Variants in SPG11 observed in about 807,000 individuals in gnomAD.
SPG11 encodes the protein SPG11 vesicle trafficking associated, spatacsin, also known as spatacsin.
SPG11 carries 222 observed loss-of-function variants against 274.0 expected under a neutral mutation model. That is an observed-to-expected ratio of 0.81 (90% CI 0.73 to 0.91). The LOEUF (loss-of-function observed/expected upper bound fraction) is 0.91. SPG11 is among the 40% of genes least tolerant of loss of function. The pLI, the probability that SPG11 is intolerant of heterozygous loss-of-function variation, is 0.00. For missense variants in SPG11, 3,114 were observed against 2,872.7 expected, an observed-to-expected ratio of 1.08 and a Z score of -1.92; for synonymous variants, 1,144 against 1,039.7, an observed-to-expected ratio of 1.10 and a Z score of -1.93.
At position 44,596,332 on chromosome 15, in the gene SPG11, G is replaced by C. The variant is rs138850981; in HGVS notation, c.4185C>G (p.Phe1395Leu). 1.2e-6 allele frequency: 2 copies of C among 1,614,062 alleles called. No homozygotes were observed. Among genetic ancestry groups the C allele is most frequent in the African/African-American group, 2.7e-5 (2 of 74,922 alleles). Reference protein sequence around the residue: ...PAEVKSLIQYFSPVIQDHLRL... With the variant: ...PAEVKSLIQYLSPVIQDHLRL... ...TTAAGTGGTCTTGAATGACTGGGCT[G>C]AAGTACTGGATAAGGGATTTCACCT... Residue 1395 changes from phenylalanine to leucine, a missense_variant, in exon 25 of 40, where the codon TTC becomes TTG. Transcript: ENST00000261866.
chr15:44,584,409 A>G lies in SPG11; in HGVS notation c.5271T>C (p.His1757=), dbSNP rs2082715909. ...AASSFFSTQA[H]VACEHPTGWS... is the part of the protein sequence containing the mutation. ...ATCCAGTTGGGTGCTCACATGCCAC[A>G]TGGGCCTGGGTTGAGAAAAAGGAAG... is the stretch of plus-strand genomic sequence containing the variant. The change falls in exon 30 of 40, where the codon CAT becomes CAC. Residue 1757 remains histidine (H), a synonymous_variant. Coordinates refer to ENST00000261866, the MANE Select transcript of SPG11 (RefSeq NM_025137.4). The G allele has an allele frequency of 2.5e-6, 4 of 1,614,158 alleles. No homozygotes were observed. The highest frequency in any genetic ancestry group is 3.4e-6 in the Non-Finnish European group (4 of 1,180,002).
chr15:44,631,405 C>G (rs888323913), intron 8 of SPG11, among the ~76,000 whole-genome samples: 1 of 152,136 alleles, frequency 6.6e-6, no homozygotes, highest in African/African-American at 2.4e-5. Context: ...GACAAAATTA[C>G]AACAAATTTA....
chr15:44,646,918 C>T (rs1217705597), intron 7 of SPG11, among the ~76,000 whole-genome samples: 1 of 152,066 alleles, frequency 6.6e-6, no homozygotes, highest in African/African-American at 2.4e-5. Context: ...ACACCAAACC[C>T]CCATGATATG....
chr15:44,602,637 C>T (rs1595868685), intron 20 of SPG11, among the ~76,000 whole-genome samples: 1 of 152,112 alleles, frequency 6.6e-6, no homozygotes, highest in South Asian at 2.1e-4. Flanking sequence ...TGCCACAATA[C>T]CTGGCTAATT....
chr15:44,611,539 A>G lies in SPG11; in HGVS notation c.3146-554T>C, dbSNP rs148243329. Among the ~76,000 whole-genome samples the G allele has an allele frequency of 3.7e-3, 566 of 152,292 alleles. 25 individuals are homozygous for G. The East Asian group carries it at 0.088, about 24-fold the overall frequency. On this transcript the variant is annotated intron_variant, in intron 17 of 39. Transcript: ENST00000261866. ...AGACTAGGACTTAAAATAAAATTGT[A>G]CAACTCCCTTGGAAAGCAATCCGGT...
Position 44,651,816 on chromosome 15 carries a change from G to A in SPG11, c.1131C>T (p.His377=), listed in dbSNP as rs148613119. The A allele has an allele frequency of 5.3e-5, 85 of 1,614,000 alleles. No homozygotes were observed. The highest frequency in any genetic ancestry group is 8.5e-6 in the Non-Finnish European group (10 of 1,180,028). Residue 377 remains histidine (H), a synonymous_variant, in exon 6 of 40, where the codon CAC becomes CAT. Transcript: ENST00000261866. The stretch of plus-strand genomic sequence containing the variant: ...AGGCCCAGCTCTGCACACTTGTACT[G>A]TGGTTACCAGATTCAGGTGACTCCA... ...LHLESPESGN[H]STSVQSWAFI...
intron 8 of SPG11, among the ~76,000 whole-genome samples, chr15:44,630,506 C>T (rs2084029716): frequency 1.3e-5 from 2 of 152,190 alleles, no homozygotes; most frequent in African/African-American, 4.8e-5. Flanking sequence ...TTTAAAACAT[C>T]AGAGCATTAG....
chr15:44,600,439 C>G (rs1192412444), intron 21 of SPG11, 28 bp downstream of exon 21: 2 of 1,613,180 alleles, frequency 1.2e-6, no homozygotes, highest in African/African-American at 2.7e-5. Flanking sequence ...CCACTGTACC[C>G]AGACAAAATT....
At chr15:44,652,001 T>G (rs747007130) in intron 5 of SPG11, 62 bp from the exon 6 acceptor site, 12 of 1,570,946 alleles carry the variant, frequency 7.6e-6, no homozygotes, top group South Asian at 1.2e-5. Context: ...TGTAAAACAC[T>G]AAACCAGGGC....
intron 7 of SPG11, among the ~76,000 whole-genome samples, chr15:44,636,271 G>A (rs2084247650): frequency 6.6e-6 from 1 of 152,030 alleles, no homozygotes; most frequent in Admixed American, 6.6e-5. Context: ...AAAATTATTG[G>A]CCCGAGAGGA....
chr15:44,628,832 T>C lies in SPG11; in HGVS notation c.1904A>G (p.His635Arg), dbSNP rs1224058460. The C allele has an allele frequency of 6.2e-7, 1 of 1,613,156 alleles. No homozygotes were observed. The highest frequency in any genetic ancestry group is 8.5e-7 in the Non-Finnish European group (1 of 1,179,944). Reference sequence around the variant, plus strand: ...CAAAATGTTCACTCCTTTTTGCAGATGTTCATCTAGTTCTATGGAAAATAC... The same window carrying C: ...CAAAATGTTCACTCCTTTTTGCAGACGTTCATCTAGTTCTATGGAAAATAC... ...LFIHTEELDE[H>R]LQKGVNILTS... Residue 635 changes from histidine (H) to arginine (R), a missense_variant, in exon 10 of 40, where the codon CAT (histidine) becomes CGT (arginine). Coordinates refer to ENST00000261866, the MANE Select transcript of SPG11 (RefSeq NM_025137.4).
chr15:44,621,618 G>T, intron 14 of SPG11, 141 bp downstream of exon 14: 2 of 804,706 alleles, frequency 2.5e-6, no homozygotes, highest in Non-Finnish European at 4.1e-6. Context: ...AGATCTTAAT[G>T]CAACGACTTG....
At chr15:44,566,034 C>T in intron 37 of SPG11, 25 bp from the exon 38 acceptor site, 1 of 1,613,032 alleles carries the variant, frequency 6.2e-7, no homozygotes, top group Non-Finnish European at 8.5e-7. Context: ...TGGAGAGGCA[C>T]AGTAGAGAAA....
At position 44,652,157 on chromosome 15, in the gene SPG11, G is replaced by C. The variant is rs146109825; in HGVS notation, c.979C>G (p.Leu327Val). 7.4e-5 allele frequency: 120 copies of C among 1,614,164 alleles called. No homozygotes were observed. Among genetic ancestry groups the C allele is most frequent in the Non-Finnish European group, 8.9e-5 (105 of 1,180,016 alleles). Residue 327 changes from leucine to valine, a missense_variant, in exon 5 of 40, where the codon CTG (leucine) becomes GTG (valine). Transcript: ENST00000261866. ...TCAATTTGGAAGGAAAACTTGGCCAGTTTCATGTTGTAGGCAGAGTTAACA... is the reference window on the plus strand; with the variant it reads ...TCAATTTGGAAGGAAAACTTGGCCACTTTCATGTTGTAGGCAGAGTTAACA... ...DPVNSAYNMK[L>V]AKFSFQIDRS...
intron 15 of SPG11, among the ~76,000 whole-genome samples, chr15:44,618,540 G>A (rs1247854993): frequency 2.7e-5 from 3 of 112,474 alleles, no homozygotes; most frequent in East Asian, 2.9e-4. Flanking sequence ...AAAAAAGGCC[G>A]GGCACGGTGG....
At chr15:44,576,973 T>C (rs2082552653) in intron 30 of SPG11, among the ~76,000 whole-genome samples, 1 of 151,820 alleles carries the variant, frequency 6.6e-6, no homozygotes, top group Non-Finnish European at 1.5e-5. Context: ...ATTACGGGTG[T>C]GCACCACCAC....
Position 44,573,624 on chromosome 15 carries a change from C to A in SPG11, c.6128G>T (p.Gly2043Val). The A allele has an allele frequency of 6.2e-7, 1 of 1,614,166 alleles. No homozygotes were observed. The highest frequency in any genetic ancestry group is 8.5e-7 in the Non-Finnish European group (1 of 1,180,044). ...KRAQAFISTQ[G>V]LKPDTVAELV... is the part of the protein sequence containing the mutation. ...TTCAGCCACAGTATCTGGCTTAAGGCCCTGTGTGCTGATGAAGGCCTGGGC... is the reference window on the plus strand; with the variant it reads ...TTCAGCCACAGTATCTGGCTTAAGGACCTGTGTGCTGATGAAGGCCTGGGC... Residue 2043 changes from glycine to valine, a missense_variant, in exon 32 of 40, where the codon GGC (glycine) becomes GTC (valine). Physicochemically the swap from Gly to Val is moderately radical, Grantham distance 109. Coordinates refer to ENST00000261866, the MANE Select transcript of SPG11 (RefSeq NM_025137.4).
chr15:44,596,418 T>C, intron 24 of SPG11, 63 bp from the exon 25 acceptor site: 1 of 1,586,834 alleles, frequency 6.3e-7, no homozygotes, highest in Admixed American at 1.7e-5. Context: ...GAGCTGAAAA[T>C]GTTAGAGAAA....
At chr15:44,606,768 G>A (rs2083331329) in intron 19 of SPG11, among the ~76,000 whole-genome samples, 1 of 152,144 alleles carries the variant, frequency 6.6e-6, no homozygotes, top group Admixed American at 6.5e-5. Context: ...GGAAGATTTT[G>A]TGATCTATTA....
Sources: gnomAD v4.1 joint callset for allele counts (sites outside exome capture counted in the v4.1 genomes callset) on GRCh38, gnomAD v4.1.1 for gene constraint, MANE v1.5 for transcripts, NCBI Gene and HGNC (gene_info 2026-07-23, HGNC 2026-07-21) for gene names.